LRRC37A3: variants seen among roughly 807,000 people sequenced by gnomAD.
LRRC37A3 encodes leucine rich repeat containing 37 member A3.
Under a neutral mutation model 106.2 loss-of-function variants are expected in LRRC37A3, and 25 were observed. The ratio of observed to expected loss-of-function variants is 0.24; its 90% confidence interval spans 0.17 to 0.33. The LOEUF (loss-of-function observed/expected upper bound fraction) is 0.33. Ranked by LOEUF, LRRC37A3 falls within the 10% of genes least tolerant of loss-of-function variation. LRRC37A3 has a pLI of 1.00. For missense variants in LRRC37A3, 712 were observed against 1,644.9 expected (o/e 0.43, Z 9.81); for synonymous variants, 305 against 635.8 (o/e 0.48, Z 7.83).
chr17:64,878,463 T>G (rs972323657), intron 8 of LRRC37A3, among the ~76,000 whole-genome samples: 22 of 152,232 alleles, frequency 1.4e-4, no homozygotes, highest in Non-Finnish European at 3.2e-4. Flanking sequence ...GTATCCAGAA[T>G]ATATAGAGAA....
At chr17:64,893,648 A>ATTTTTTTT (rs3972251) in intron 4 of LRRC37A3, among the ~76,000 whole-genome samples, 1 of 86,948 alleles carries the variant, frequency 1.2e-5, no homozygotes, top group Non-Finnish European at 2.2e-5. Context: ...CCCTCCTATC[A>ATTTTTTTT]TTTTTTTTTT....
intron 10 of LRRC37A3, chr17:64,863,556 G>A (rs952104197): frequency 3.3e-4 from 51 of 154,528 alleles, no homozygotes; most frequent in African/African-American, 1.2e-3. Flanking sequence ...TTAATATAAA[G>A]AAGAATCCAC....
intron 10 of LRRC37A3, among the ~76,000 whole-genome samples, chr17:64,868,083 A>C (rs1226064975): frequency 6.6e-6 from 1 of 151,936 alleles, no homozygotes; most frequent in Admixed American, 6.5e-5. Context: ...CAAAAACAAA[A>C]AAAAAAATTA....
chr17:64,916,947 A>C (rs2143640626), intron 2 of LRRC37A3, among the ~76,000 whole-genome samples: 1 of 151,478 alleles, frequency 6.6e-6, no homozygotes, highest in Admixed American at 6.6e-5. Context: ...GTGGCCAAAA[A>C]AAAAAAAAAA....
In LRRC37A3 at chr17:64,897,264, A is replaced by G; in HGVS notation, c.-7T>C. ...GGCACTGAGCGGAAGTCATTCTGGC[A>G]GCTCCGAGACGCTCGTGCCCCTTGT... On this transcript the variant is annotated 5_prime_UTR_variant, in exon 4 of 15. Coordinates refer to ENST00000584306, the MANE Select transcript of LRRC37A3 (RefSeq NM_199340.5). 1 of 1,609,838 alleles carries G rather than the reference A, an allele frequency of 6.2e-7. No homozygotes were observed. Among genetic ancestry groups the G allele is most frequent in the African/African-American group, 1.4e-5 (1 of 72,364 alleles).
At chr17:64,870,882 C>T (rs1376113532) in intron 8 of LRRC37A3, among the ~76,000 whole-genome samples, 3 of 151,780 alleles carry the variant, frequency 2.0e-5, no homozygotes, top group Non-Finnish European at 4.4e-5. Context: ...CCCTCCCCTC[C>T]CCACCCAAAC....
intron 8 of LRRC37A3, among the ~76,000 whole-genome samples, chr17:64,875,563 AG>A (rs1461522750): frequency 9.9e-5 from 15 of 152,210 alleles, no homozygotes; most frequent in African/African-American, 3.6e-4. Flanking sequence ...CTGAGGCTGG[AG>A]GATCACTTGA....
At chr17:64,875,059 C>T (rs186493850) in intron 8 of LRRC37A3, among the ~76,000 whole-genome samples, 5,038 of 151,782 alleles carry the variant, frequency 0.033, 291 homozygotes, top group African/African-American at 0.12. Flanking sequence ...CCTGCCAAAT[C>T]CCCCTCTGCG....
In LRRC37A3 at chr17:64,860,740, A is replaced by T; in HGVS notation, c.3406T>A (p.Ser1136Thr). 1 of 1,614,054 alleles carries T rather than the reference A, an allele frequency of 6.2e-7. No individual in the cohort carries two copies. Among genetic ancestry groups the T allele is most frequent in the African/African-American group, 1.3e-5 (1 of 75,014 alleles). The change falls in exon 12 of 15, where the codon TCA becomes ACA. Residue 1136 changes from serine (S) to threonine (T), a missense_variant. Ser to Thr is a moderately conservative substitution (Grantham distance 58). Coordinates refer to ENST00000584306, the MANE Select transcript of LRRC37A3 (RefSeq NM_199340.5). ...AGTTTAATGAACGGTAGTAACAGTG[A>T]TTTCACATCTAGGTTAACGGCTGAG... ...YFSAVNLDVK[S>T]LLLPFIKLPT...
intron 10 of LRRC37A3, 60 bp from the exon 11 acceptor site, chr17:64,863,078 G>T: frequency 2.5e-6 from 4 of 1,587,346 alleles, no homozygotes; most frequent in Admixed American, 1.7e-5. Context: ...AGTAGGTAAA[G>T]GAGGCAGCCA....
intron 10 of LRRC37A3, among the ~76,000 whole-genome samples, chr17:64,864,015 G>C (rs1972973480): frequency 7.0e-6 from 1 of 143,434 alleles, no homozygotes; most frequent in Non-Finnish European, 1.5e-5. Flanking sequence ...TTTCAGTAGT[G>C]ACAGAGTTTC....
At chr17:64,912,928 A>G (rs1319038354) in intron 2 of LRRC37A3, among the ~76,000 whole-genome samples, 1 of 147,344 alleles carries the variant, frequency 6.8e-6, no homozygotes, top group African/African-American at 2.5e-5. Flanking sequence ...TATCTAGATT[A>G]AAAGCAAAAG....
In LRRC37A3 at chr17:64,860,154, C is replaced by A; in HGVS notation, c.3992G>T (p.Ser1331Ile). 1 of 1,613,968 alleles carries A rather than the reference C, an allele frequency of 6.2e-7. No homozygotes were observed. The highest frequency in any genetic ancestry group is 8.5e-7 in the Non-Finnish European group (1 of 1,179,868). ...VKKSPKVRKK[S>I]YLSRLMLSNR... ...TGAGAGCATCAGTCTACTCAGATAA[C>A]TTTTCTTTCTGACCTTTGGACTCTT... Residue 1331 changes from serine to isoleucine, a missense_variant, in exon 12 of 15, where the codon AGT becomes ATT. Ser to Ile is a moderately radical substitution (Grantham distance 142, BLOSUM62 -2). Coordinates refer to ENST00000584306, the MANE Select transcript of LRRC37A3 (RefSeq NM_199340.5).
intron 13 of LRRC37A3, among the ~76,000 whole-genome samples, chr17:64,857,674 G>C (rs1972724506): frequency 6.6e-6 from 1 of 152,194 alleles, no homozygotes; most frequent in Admixed American, 6.5e-5. Context: ...ACTAGGCTCA[G>C]CAGGGCTGGA....
At chr17:64,911,342 CT>C (rs1276626910) in intron 2 of LRRC37A3, among the ~76,000 whole-genome samples, 25 of 141,232 alleles carry the variant, frequency 1.8e-4, no homozygotes, top group African/African-American at 6.7e-4. Flanking sequence ...TCCAAAATGT[CT>C]TTCTTCTTTT....
rs199752823 is a variant in LRRC37A3 at position 64,858,765 on chromosome 17, A to T, written c.4809+14T>A. ...GACTGCATTCTGAAAACCTGAATTA[A>T]TTATTGTCCTTACCTCAATGAGGCA... On this transcript the variant is annotated intron_variant, in intron 13 of 14. Coordinates refer to ENST00000584306, the MANE Select transcript of LRRC37A3 (RefSeq NM_199340.5). The T allele has an allele frequency of 6.0e-5, 95 of 1,585,024 alleles. No individual in the cohort carries two copies. The highest frequency in any genetic ancestry group is 1.7e-4 in the Middle Eastern group (1 of 6,000).
At chr17:64,883,024 A>T (rs1013140555) in intron 8 of LRRC37A3, among the ~76,000 whole-genome samples, 2 of 151,354 alleles carry the variant, frequency 1.3e-5, no homozygotes, top group Non-Finnish European at 2.9e-5. Flanking sequence ...AAATATAAAC[A>T]TACTTAACAT....
intron 2 of LRRC37A3, among the ~76,000 whole-genome samples, chr17:64,915,122 TTTG>T (rs963391683): frequency 3.3e-5 from 5 of 152,090 alleles, no homozygotes; most frequent in Admixed American, 2.6e-4. Flanking sequence ...AGCTAGAACA[TTTG>T]TTATCTTCCC....
chr17:64,859,456 C>T lies in LRRC37A3; in HGVS notation c.4690G>A (p.Glu1564Lys). The T allele has an allele frequency of 1.2e-6, 2 of 1,606,678 alleles. No homozygotes were observed. The highest frequency in any genetic ancestry group is 2.2e-5 in the South Asian group (2 of 90,788). The part of the protein sequence containing the change: ...ESTEAQSEQK[E>K]KSLEFTKELP... The stretch of plus-strand genomic sequence containing the variant: ...GTAGTCCTCACCTCAAGCGACTTCT[C>T]TTTCTGTTCACTCTGGGCTTCTGTG... Residue 1564 changes from glutamate to lysine, a missense_variant, in exon 12 of 15, where the codon GAG becomes AAG. Coordinates refer to ENST00000584306, the MANE Select transcript of LRRC37A3 (RefSeq NM_199340.5).
Sources: allele counts gnomAD v4.1 joint callset (sites outside exome capture counted in the v4.1 genomes callset), GRCh38; gene constraint gnomAD v4.1.1; transcripts MANE v1.5; gene names NCBI Gene and HGNC (gene_info 2026-07-23, HGNC 2026-07-21).